RBFOX1: variants seen among roughly 807,000 people sequenced by gnomAD.
The protein encoded by RBFOX1 is RNA binding protein fox-1 homolog 1.
Under a neutral mutation model 57.7 loss-of-function variants are expected in RBFOX1, and 8 were observed. That is an observed-to-expected ratio of 0.14 (90% CI 0.08 to 0.25). RBFOX1 has a LOEUF of 0.25. Ranked by LOEUF, RBFOX1 falls within the 10% of genes least tolerant of loss-of-function variation. The pLI is 1.00. For synonymous variants in RBFOX1, 326 were observed against 222.4 expected (o/e 1.47, Z -4.15); for missense variants, 611 against 548.5 (o/e 1.11, Z -1.14).
At chr16:5,820,186 T>C (rs1369585119) in intron 3 of RBFOX1, among the ~76,000 whole-genome samples, 1 of 152,200 alleles carries the variant, frequency 6.6e-6, no homozygotes, top group Non-Finnish European at 1.5e-5. Flanking sequence ...CTCATGGGGA[T>C]TAAAACACTT....
intron 2 of RBFOX1, among the ~76,000 whole-genome samples, chr16:6,567,509 C>G (rs940392195): frequency 2.0e-5 from 3 of 152,194 alleles, no homozygotes; most frequent in African/African-American, 7.2e-5. Flanking sequence ...GACAGTCACC[C>G]TGGTTCTCTG....
At chr16:7,179,595 CTTT>C (rs372434365) in intron 4 of RBFOX1, among the ~76,000 whole-genome samples, 1 of 148,998 alleles carries the variant, frequency 6.7e-6, no homozygotes, top group Non-Finnish European at 1.5e-5. Context: ...ACATGGTTTC[CTTT>C]TTTTTTTATA....
At chr16:7,116,401 A>T (rs1288389926) in intron 4 of RBFOX1, among the ~76,000 whole-genome samples, 1 of 152,150 alleles carries the variant, frequency 6.6e-6, no homozygotes, top group Non-Finnish European at 1.5e-5. Context: ...GGTTCCCAGT[A>T]GGGACAGCAA....
intron 4 of RBFOX1, among the ~76,000 whole-genome samples, chr16:5,917,409 A>G (rs9925412): frequency 0.48 from 72,539 of 152,090 alleles, 18,298 homozygotes; most frequent in African/African-American, 0.64. Flanking sequence ...GTGCTTTCAG[A>G]ACTCATCTTC....
chr16:6,962,640 A>G (rs1000693868), intron 3 of RBFOX1, among the ~76,000 whole-genome samples: 1 of 152,098 alleles, frequency 6.6e-6, no homozygotes, highest in Non-Finnish European at 1.5e-5. Context: ...CGAGGCCGGT[A>G]GATTGGTTGA....
chr16:7,653,759 C>T, intron 11 of RBFOX1, 56 bp from the exon 12 acceptor site: 1 of 1,598,322 alleles, frequency 6.3e-7, no homozygotes, highest in South Asian at 1.1e-5. Context: ...CCCTCCACAG[C>T]AGGGTGTGCA....
In RBFOX1 at chr16:7,445,011, GTT is replaced by G. The variant is rs111846929; in HGVS notation, c.28-73126_28-73125del. On this transcript the variant is annotated intron_variant, in intron 4 of 15. Transcript: ENST00000550418. ...TGCTGAGCCTGACTTTGAAGTGTTT[GTT>G]TTTTTTTTTCTTCTTTTTTTCTTTT... Among the ~76,000 whole-genome samples, 45 of 148,064 alleles carry G rather than the reference GTT, an allele frequency of 3.0e-4. No individual in the cohort carries two copies. In the South Asian group the frequency reaches 3.7e-3, roughly 12 times the overall value.
At chr16:5,813,171 C>G (rs369533999) in intron 3 of RBFOX1, among the ~76,000 whole-genome samples, 6 of 152,078 alleles carry the variant, frequency 3.9e-5, no homozygotes, top group Non-Finnish European at 7.4e-5. Context: ...CCGCACCTGG[C>G]TGATTTTTGT....
chr16:7,230,846 G>A (rs946491783), intron 4 of RBFOX1, among the ~76,000 whole-genome samples: 4 of 152,164 alleles, frequency 2.6e-5, no homozygotes, highest in Non-Finnish European at 4.4e-5. Context: ...ATACTGCAGA[G>A]GGCAGCTCAT....
chr16:5,388,939 C>T (rs2066327960), intron 1 of RBFOX1, among the ~76,000 whole-genome samples: 1 of 151,202 alleles, frequency 6.6e-6, no homozygotes, highest in Non-Finnish European at 1.5e-5. Context: ...CACCTGTAAT[C>T]CCAGCACTTT....
rs201646127 is a variant in RBFOX1 at position 5,525,877 on chromosome 16, TATTA to T, written c.258+58627_258+58630del. Among the ~76,000 whole-genome samples, 110 of 152,268 alleles carry T rather than the reference TATTA, an allele frequency of 7.2e-4. 1 individual carries two copies. In the East Asian group the frequency reaches 0.016, roughly 23 times the overall value. On this transcript the variant is annotated intron_variant, in intron 2 of 2. Coordinates refer to the RBFOX1 transcript ENST00000585867. Reference sequence around the variant, plus strand: ...CATGCACCAAGTGGCAAATTTTTAATATTAATTTATAGTAATATAAAAACATCGA... The same window carrying T: ...CATGCACCAAGTGGCAAATTTTTAATATTTATAGTAATATAAAAACATCGA...
At chr16:6,980,233 A>G (rs368576288) in intron 3 of RBFOX1, among the ~76,000 whole-genome samples, 1 of 152,126 alleles carries the variant, frequency 6.6e-6, no homozygotes, top group South Asian at 2.1e-4. Flanking sequence ...AATTACCGCA[A>G]AATTTTATTT....
chr16:5,548,172 A>ATATATATATAT (rs1442260697), intron 2 of RBFOX1, among the ~76,000 whole-genome samples: 137 of 28,094 alleles, frequency 4.9e-3, no homozygotes, highest in Admixed American at 9.9e-3. Context: ...AAAAAAAAAA[A>ATATATATATAT]AAATATATAT....
At chr16:5,501,169 T>A (rs1002637687) in intron 2 of RBFOX1, among the ~76,000 whole-genome samples, 1 of 151,276 alleles carries the variant, frequency 6.6e-6, no homozygotes, top group African/African-American at 2.4e-5. Context: ...TACAAAAAAA[T>A]TATCTGGGTG....
chr16:5,981,082 C>A (rs982919739), intron 4 of RBFOX1, among the ~76,000 whole-genome samples: 2 of 152,226 alleles, frequency 1.3e-5, no homozygotes, highest in African/African-American at 2.4e-5. Context: ...GTGGGTCCTA[C>A]ACCTTTGATA....
At chr16:5,906,597 G>A (rs978720784) in intron 4 of RBFOX1, among the ~76,000 whole-genome samples, 31 of 152,194 alleles carry the variant, frequency 2.0e-4, no homozygotes, top group Non-Finnish European at 1.6e-4. Flanking sequence ...TTGCAGGAAG[G>A]CTCTTTTTCA....
At chr16:6,317,089 A>G (rs1160494949) in intron 2 of RBFOX1, 32 bp downstream of exon 2, 7 of 1,504,088 alleles carry the variant, frequency 4.7e-6, no homozygotes, top group South Asian at 1.2e-5. Flanking sequence ...CATTCATTCC[A>G]TAAATACATC....
chr16:6,817,707 A>G (rs75747589), intron 3 of RBFOX1, among the ~76,000 whole-genome samples: 1 of 146,866 alleles, frequency 6.8e-6, no homozygotes, highest in South Asian at 2.1e-4. Context: ...TGTCTCAAAG[A>G]AAAAAAAAAC....
intron 10 of RBFOX1, among the ~76,000 whole-genome samples, chr16:7,608,338 C>G (rs1420427289): frequency 6.6e-6 from 1 of 151,508 alleles, no homozygotes; most frequent in Non-Finnish European, 1.5e-5. Flanking sequence ...GCACAACAAC[C>G]AGTCTGACAA....
Sources: gnomAD v4.1 joint callset for allele counts (sites outside exome capture counted in the v4.1 genomes callset) on GRCh38, gnomAD v4.1.1 for gene constraint, MANE v1.5 for transcripts, NCBI Gene and HGNC (gene_info 2026-07-23, HGNC 2026-07-21) for gene names.